NUBPL: variants seen among roughly 807,000 people sequenced by gnomAD.
NUBPL encodes the protein iron-sulfur cluster transfer protein NUBPL.
In NUBPL, 31 loss-of-function variants were observed where a neutral mutation model predicts 45.7. The ratio of observed to expected loss-of-function variants is 0.68; its 90% CI spans 0.51 to 0.92. NUBPL has a LOEUF of 0.92. NUBPL is among the 40% of genes least tolerant of loss of function. NUBPL has a pLI of 0.00. For synonymous variants in NUBPL, 144 were observed against 140.9 expected, an observed-to-expected ratio of 1.02 and a Z score of -0.15; for missense variants, 401 against 398.7, an observed-to-expected ratio of 1.01 and a Z score of -0.05.
intron 10 of NUBPL, 71 bp downstream of exon 10, chr14:31,850,272 G>A: frequency 8.2e-7 from 1 of 1,217,154 alleles, no homozygotes; most frequent in South Asian, 1.2e-5. Flanking sequence ...AGAAAGTTGG[G>A]AAGATTAAGC....
At chr14:31,584,010 T>A in intron 3 of NUBPL, among the ~76,000 whole-genome samples, 1 of 152,228 alleles carries the variant, frequency 6.6e-6, no homozygotes, top group Non-Finnish European at 1.5e-5. Context: ...ACAAATGTGT[T>A]GTGTTTTTCC....
chr14:31,736,079 T>C (rs1435409391), intron 6 of NUBPL, among the ~76,000 whole-genome samples: 1 of 152,108 alleles, frequency 6.6e-6, no homozygotes, highest in Non-Finnish European at 1.5e-5. Context: ...TACAGTGGGG[T>C]TTTCTTTTTG....
intron 4 of NUBPL, among the ~76,000 whole-genome samples, chr14:31,657,444 A>C (rs1385163504): frequency 1.3e-5 from 2 of 152,222 alleles, no homozygotes; most frequent in East Asian, 1.9e-4. Context: ...CGGTTTATAT[A>C]AGTCTTATAG....
intron 4 of NUBPL, among the ~76,000 whole-genome samples, chr14:31,614,431 A>G (rs1432999563): frequency 6.6e-6 from 1 of 152,174 alleles, no homozygotes; most frequent in Non-Finnish European, 1.5e-5. Context: ...TTTTTCTTAT[A>G]AATGTTTATC....
chr14:31,654,195 G>A (rs2036084050), intron 4 of NUBPL: 2 of 409,722 alleles, frequency 4.9e-6, no homozygotes, highest in East Asian at 7.3e-5. Context: ...ACACTATACT[G>A]TAGTCCATGA....
At chr14:31,733,805 G>A (rs1319475408) in intron 6 of NUBPL, among the ~76,000 whole-genome samples, 2 of 152,160 alleles carry the variant, frequency 1.3e-5, no homozygotes, top group Non-Finnish European at 2.9e-5. Context: ...TCAGTACTAT[G>A]TAGAGTAGAA....
At chr14:31,801,192 T>A (rs1035634101) in intron 7 of NUBPL, 1 of 152,216 alleles carries the variant, frequency 6.6e-6, no homozygotes, top group African/African-American at 2.4e-5. Flanking sequence ...GTAATAAAAC[T>A]TCAAATTCTT....
chr14:31,729,166 A>G (rs1038456645), intron 6 of NUBPL, among the ~76,000 whole-genome samples: 12 of 151,968 alleles, frequency 7.9e-5, no homozygotes, highest in African/African-American at 2.7e-4. Flanking sequence ...TGTAATTCCA[A>G]TACTTGGGAG....
chr14:31,767,146 C>T (rs1349443868), intron 6 of NUBPL, among the ~76,000 whole-genome samples: 1 of 152,062 alleles, frequency 6.6e-6, no homozygotes, highest in African/African-American at 2.4e-5. Context: ...CCATTCAAAT[C>T]TCTTGTTATT....
intron 6 of NUBPL, among the ~76,000 whole-genome samples, chr14:31,681,404 A>T (rs960568490): frequency 6.6e-6 from 1 of 151,354 alleles, no homozygotes; most frequent in African/African-American, 2.4e-5. Context: ...CCTTATTTCT[A>T]ATGTTAGTAA....
intron 4 of NUBPL, among the ~76,000 whole-genome samples, chr14:31,604,963 A>G (rs1043241342): frequency 2.0e-5 from 3 of 152,246 alleles, no homozygotes; most frequent in African/African-American, 7.2e-5. Context: ...GGCATTATGC[A>G]AAAGCATCAA....
At chr14:31,829,569 A>T (rs553221334) in intron 8 of NUBPL, among the ~76,000 whole-genome samples, 2 of 152,326 alleles carry the variant, frequency 1.3e-5, no homozygotes, top group South Asian at 4.1e-4. Context: ...ATTTGAAATT[A>T]TTAAGTGTTT....
intron 4 of NUBPL, among the ~76,000 whole-genome samples, chr14:31,652,388 G>A (rs1002706201): frequency 6.6e-6 from 1 of 152,148 alleles, no homozygotes; most frequent in Non-Finnish European, 1.5e-5. Context: ...CGTGGGGACT[G>A]TAGTTAAAAT....
At chr14:31,677,478 G>C (rs1171282716) in intron 6 of NUBPL, among the ~76,000 whole-genome samples, 1 of 152,212 alleles carries the variant, frequency 6.6e-6, no homozygotes, top group Non-Finnish European at 1.5e-5. Context: ...ATATTTGAGA[G>C]GACTTGAGTG....
At chr14:31,654,947 A>G (rs2036106366) in intron 4 of NUBPL, among the ~76,000 whole-genome samples, 1 of 152,230 alleles carries the variant, frequency 6.6e-6, no homozygotes, top group Admixed American at 6.5e-5. Context: ...TTCACAGAGT[A>G]GATTCCATCT....
intron 6 of NUBPL, among the ~76,000 whole-genome samples, chr14:31,764,608 T>C (rs2038876967): frequency 6.6e-6 from 1 of 152,208 alleles, no homozygotes; most frequent in African/African-American, 2.4e-5. Context: ...TCTAGATACA[T>C]TGCAACATTC....
chr14:31,850,554 G>A (rs2040522382), intron 10 of NUBPL, among the ~76,000 whole-genome samples: 1 of 152,178 alleles, frequency 6.6e-6, no homozygotes, highest in African/African-American at 2.4e-5. Flanking sequence ...GGAGAAGGAA[G>A]CCTAATGCAA....
chr14:31,742,167 G>A (rs1429147748), intron 6 of NUBPL, among the ~76,000 whole-genome samples: 8 of 150,612 alleles, frequency 5.3e-5, no homozygotes, highest in Admixed American at 3.3e-4. Flanking sequence ...AGAGATCATG[G>A]CAGACAGAGA....
chr14:31,701,417 G>T (rs1020843899), intron 6 of NUBPL, among the ~76,000 whole-genome samples: 2 of 152,224 alleles, frequency 1.3e-5, no homozygotes, highest in Non-Finnish European at 2.9e-5. Flanking sequence ...GGATGTGGGT[G>T]GGGTCAGATA....
Sources: gnomAD v4.1 joint callset for allele counts (sites outside exome capture counted in the v4.1 genomes callset) on GRCh38, gnomAD v4.1.1 for gene constraint, MANE v1.5 for transcripts, NCBI Gene and HGNC (gene_info 2026-07-23, HGNC 2026-07-21) for gene names.